The following SPIDR variants were observed in gnomAD, a reference collection of about 807,000 sequenced individuals.
SPIDR encodes the protein DNA repair-scaffolding protein.
Under a neutral mutation model 104.6 loss-of-function variants are expected in SPIDR, and 93 were observed. The ratio of observed to expected loss-of-function variants is 0.89; its 90% confidence interval spans 0.75 to 1.06. The LOEUF (loss-of-function observed/expected upper bound fraction) is 1.06. Ranked by LOEUF, SPIDR falls within the 50% of genes least tolerant of loss-of-function variation. The pLI is 0.00. For missense variants in SPIDR, 1,154 were observed against 1,111.2 expected, an observed-to-expected ratio of 1.04 and a Z score of -0.55; for synonymous variants, 431 against 416.9, an observed-to-expected ratio of 1.03 and a Z score of -0.41.
intron 7 of SPIDR, among the ~76,000 whole-genome samples, chr8:47,419,883 A>G (rs1446691338): frequency 6.6e-6 from 1 of 152,166 alleles, no homozygotes; most frequent in Non-Finnish European, 1.5e-5. Context: ...TGTACCCAGT[A>G]GTCATTCAGG....
chr8:47,701,151 T>C (rs2080120297), intron 12 of SPIDR, among the ~76,000 whole-genome samples: 1 of 152,136 alleles, frequency 6.6e-6, no homozygotes, highest in South Asian at 2.1e-4. Context: ...ATAGTAGTTG[T>C]CAAAGCACAC....
At chr8:47,632,496 T>C (rs2067214906) in intron 10 of SPIDR, among the ~76,000 whole-genome samples, 1 of 152,226 alleles carries the variant, frequency 6.6e-6, no homozygotes, top group South Asian at 2.1e-4. Flanking sequence ...ATTATTTTAC[T>C]TCTACTCCCA....
chr8:47,453,744 G>A (rs995746311), intron 8 of SPIDR, among the ~76,000 whole-genome samples: 1 of 151,998 alleles, frequency 6.6e-6, no homozygotes, highest in African/African-American at 2.4e-5. Flanking sequence ...AGATCTAAAA[G>A]CATAAAAACC....
chr8:47,326,984 T>C (rs1335253122), intron 5 of SPIDR, among the ~76,000 whole-genome samples: 1 of 152,234 alleles, frequency 6.6e-6, no homozygotes, highest in Non-Finnish European at 1.5e-5. Context: ...CTGGACTATA[T>C]GGTAATTTTA....
chr8:47,452,019 A>C (rs367582011), intron 8 of SPIDR, among the ~76,000 whole-genome samples: 45 of 152,260 alleles, frequency 3.0e-4, no homozygotes, highest in African/African-American at 1.1e-3. Flanking sequence ...AGAATAACAT[A>C]ACTCCTCAAA....
intron 8 of SPIDR, among the ~76,000 whole-genome samples, chr8:47,515,577 G>A (rs1280904274): frequency 6.6e-6 from 1 of 152,146 alleles, no homozygotes; most frequent in Non-Finnish European, 1.5e-5. Context: ...CCAGAATAGT[G>A]ACATATATGG....
rs782355548 is a variant in SPIDR, at chr8:47,360,740, AAAAACAAAAC to A, written c.526-35626_526-35617del. On this transcript the variant is annotated intron_variant, in intron 5 of 19. Coordinates refer to ENST00000297423, the MANE Select transcript of SPIDR (RefSeq NM_001080394.4). ...TACATGTTGGCAGCTAGTTCAAATG[AAAAACAAAAC>A]AAAACAAAAAACAGAAGTGAAAAAG... 5.8e-6 allele frequency: 4 copies of A among 688,458 alleles called. No individual in the cohort carries two copies. In the Admixed American group the frequency reaches 2.5e-4, roughly 43 times the overall value. The allele number at this position is 688,458 out of a possible 1,614,324, so 42.6% of individuals were successfully genotyped here.
chr8:47,712,617 T>G (rs773882684), intron 14 of SPIDR, 45 bp from the exon 15 acceptor site: 2 of 1,568,656 alleles, frequency 1.3e-6, no homozygotes, highest in Non-Finnish European at 1.7e-6. Flanking sequence ...TTTTAAAACA[T>G]TTTTTGGTAT....
intron 10 of SPIDR, among the ~76,000 whole-genome samples, chr8:47,635,843 G>A (rs189511119): frequency 6.6e-6 from 1 of 152,244 alleles, no homozygotes; most frequent in Non-Finnish European, 1.5e-5. Flanking sequence ...CCCAGTGGGT[G>A]AAAATTGGGC....
At chr8:47,712,924 T>C in intron 15 of SPIDR, 52 bp downstream of exon 15, 2 of 1,607,188 alleles carry the variant, frequency 1.2e-6, no homozygotes, top group East Asian at 4.5e-5. Context: ...TCCGTGCCCA[T>C]AGAATACCTC....
At position 47,340,148 on chromosome 8, in the gene SPIDR, C is replaced by T. The variant is rs555329296; in HGVS notation, c.525+46118C>T. On this transcript the variant is annotated intron_variant, in intron 5 of 19. Coordinates refer to ENST00000297423, the MANE Select transcript of SPIDR (RefSeq NM_001080394.4). ...ATATTATGCCTTCTTTCTTCACCTTCCAAGTAGATGAAGTTTCTAACACAA... is the reference window on the plus strand; with the variant it reads ...ATATTATGCCTTCTTTCTTCACCTTTCAAGTAGATGAAGTTTCTAACACAA... Among the ~76,000 whole-genome samples the T allele has an allele frequency of 1.8e-4, 28 of 152,090 alleles. No individual in the cohort carries two copies. The East Asian group carries it at 5.4e-3, about 29-fold the overall frequency.
chr8:47,608,512 A>T (rs2063238903), intron 10 of SPIDR, among the ~76,000 whole-genome samples: 2 of 152,148 alleles, frequency 1.3e-5, no homozygotes, highest in South Asian at 4.1e-4. Context: ...TTTCTGAGGG[A>T]CTGCCACAGT....
rs575235611 is a variant in SPIDR, at chr8:47,552,813, C to G, written c.1098-42998C>G. Among the ~76,000 whole-genome samples, 10 of 152,244 alleles carry G rather than the reference C, an allele frequency of 6.6e-5. No homozygotes were observed. In the South Asian group the frequency reaches 2.1e-3, roughly 32 times the overall value. ...TTTGGTGCTGTCATTTTGATGTTAG[C>G]TGGTTATTTTGCTCATTAGTTGATG... On this transcript the variant is annotated intron_variant, in intron 8 of 19. Coordinates refer to ENST00000297423, the MANE Select transcript of SPIDR (RefSeq NM_001080394.4).
At chr8:47,504,186 T>C (rs1278548348) in intron 8 of SPIDR, among the ~76,000 whole-genome samples, 1 of 152,198 alleles carries the variant, frequency 6.6e-6, no homozygotes, top group East Asian at 1.9e-4. Context: ...TGGCCTGCCT[T>C]GCTAGATTGG....
At chr8:47,353,676 G>A (rs138829669) in intron 5 of SPIDR, among the ~76,000 whole-genome samples, 1 of 150,748 alleles carries the variant, frequency 6.6e-6, no homozygotes, top group African/African-American at 2.4e-5. Flanking sequence ...TTTTATCATT[G>A]TATTTTAAAA....
At chr8:47,483,928 G>C (rs2154362814) in intron 8 of SPIDR, among the ~76,000 whole-genome samples, 1 of 151,952 alleles carries the variant, frequency 6.6e-6, no homozygotes, top group Non-Finnish European at 1.5e-5. Flanking sequence ...GCTCTCAAAA[G>C]AGAATTTTGA....
intron 10 of SPIDR, among the ~76,000 whole-genome samples, chr8:47,603,131 T>C (rs954950570): frequency 1.3e-5 from 2 of 150,206 alleles, no homozygotes; most frequent in African/African-American, 2.5e-5. Context: ...ATTAGATAAA[T>C]GCATGACTAA....
chr8:47,622,591 G>A (rs1588492657), intron 10 of SPIDR, among the ~76,000 whole-genome samples: 1 of 152,262 alleles, frequency 6.6e-6, no homozygotes, highest in East Asian at 1.9e-4. Flanking sequence ...GGAAGTAGGG[G>A]CTGGCGTCCC....
chr8:47,527,215 C>T (rs1328665123), intron 8 of SPIDR, among the ~76,000 whole-genome samples: 1 of 152,154 alleles, frequency 6.6e-6, no homozygotes, highest in African/African-American at 2.4e-5. Flanking sequence ...TCAAGAGAAA[C>T]TGTTTTACCA....
Sources: gnomAD v4.1 joint callset for allele counts (sites outside exome capture counted in the v4.1 genomes callset) on GRCh38, gnomAD v4.1.1 for gene constraint, MANE v1.5 for transcripts, NCBI Gene and HGNC (gene_info 2026-07-23, HGNC 2026-07-21) for gene names.